KCNN2: variants seen among roughly 807,000 people sequenced by gnomAD.
KCNN2 encodes small conductance calcium-activated potassium channel protein 2.
In KCNN2, 24 loss-of-function variants were observed where a neutral mutation model predicts 55.5. The observed-to-expected ratio is 0.43, with a 90% confidence interval of 0.31 to 0.61. KCNN2 has a LOEUF of 0.61. Ranked by LOEUF, KCNN2 falls within the 20% of genes least tolerant of loss-of-function variation. The pLI, the probability that KCNN2 is intolerant of heterozygous loss-of-function variation, is 0.08. For synonymous variants in KCNN2, 431 were observed against 336.1 expected (o/e 1.28, Z -3.09); for missense variants, 754 against 853.6 (o/e 0.88, Z 1.45).
intron 1 of KCNN2, among the ~76,000 whole-genome samples, chr5:114,102,480 C>T (rs1751392692): frequency 6.6e-6 from 1 of 152,092 alleles, no homozygotes; most frequent in Non-Finnish European, 1.5e-5. Flanking sequence ...GTTGCCATTG[C>T]TTTTGGTGTT....
At chr5:114,470,755 T>A (rs1261610129) in intron 4 of KCNN2, among the ~76,000 whole-genome samples, 1 of 152,234 alleles carries the variant, frequency 6.6e-6, no homozygotes, top group Non-Finnish European at 1.5e-5. Flanking sequence ...ATAAGAATTT[T>A]GACCCTCTTG....
chr5:114,384,485 T>C (rs1177935690), intron 2 of KCNN2, among the ~76,000 whole-genome samples: 1 of 152,186 alleles, frequency 6.6e-6, no homozygotes, highest in Non-Finnish European at 1.5e-5. Flanking sequence ...AAAATCTCGA[T>C]GTTATCTTAG....
intron 2 of KCNN2, among the ~76,000 whole-genome samples, chr5:114,340,227 T>C (rs1451045616): frequency 1.3e-5 from 2 of 152,222 alleles, no homozygotes; most frequent in East Asian, 1.9e-4. Flanking sequence ...GAAATCCAAA[T>C]GGTCACTTGC....
intron 1 of KCNN2, among the ~76,000 whole-genome samples, chr5:114,185,773 A>C (rs1227644333): frequency 6.6e-6 from 1 of 152,236 alleles, no homozygotes; most frequent in Non-Finnish European, 1.5e-5. Context: ...GATTGCTCAG[A>C]ATTCAAGGAA....
chr5:114,486,488 C>A (rs1480301857), intron 5 of KCNN2, among the ~76,000 whole-genome samples: 1 of 152,154 alleles, frequency 6.6e-6, no homozygotes, highest in African/African-American at 2.4e-5. Context: ...AAATTTCCAA[C>A]AAAATCATAA....
At chr5:114,179,292 G>A (rs756881433) in intron 1 of KCNN2, among the ~76,000 whole-genome samples, 1 of 152,104 alleles carries the variant, frequency 6.6e-6, no homozygotes, top group Non-Finnish European at 1.5e-5. Flanking sequence ...AGTGATTGTT[G>A]TCACACCTCT....
chr5:114,360,520 C>A (rs1372557781), upstream of KCNN2, among the ~76,000 whole-genome samples: 1 of 152,158 alleles, frequency 6.6e-6, no homozygotes, highest in Non-Finnish European at 1.5e-5. Flanking sequence ...ATTCAACGGG[C>A]CAATTTCTTT....
intron 1 of KCNN2, among the ~76,000 whole-genome samples, chr5:114,113,926 A>T (rs1227559210): frequency 6.6e-6 from 1 of 152,054 alleles, no homozygotes; most frequent in Non-Finnish European, 1.5e-5. Flanking sequence ...TTCAGTTCAA[A>T]GTAATCCTTA....
chr5:114,281,839 A>C (rs560867415), intron 2 of KCNN2, among the ~76,000 whole-genome samples: 29 of 152,194 alleles, frequency 1.9e-4, no homozygotes, highest in South Asian at 1.2e-3. Flanking sequence ...TCTATGGTCA[A>C]GGTTGTAATT....
intron 1 of KCNN2, among the ~76,000 whole-genome samples, chr5:114,122,294 A>C (rs1751843727): frequency 6.6e-6 from 1 of 152,214 alleles, no homozygotes. Flanking sequence ...CCCAGAAGGC[A>C]GTATGAAAGA....
upstream of KCNN2, among the ~76,000 whole-genome samples, chr5:114,359,446 A>G (rs1174146335): frequency 6.6e-6 from 1 of 152,220 alleles, no homozygotes; most frequent in Non-Finnish European, 1.5e-5. Context: ...ATAGAGATAT[A>G]CATGGCAAAA....
chr5:114,353,295 T>C (rs1351585097), intron 2 of KCNN2, among the ~76,000 whole-genome samples: 1 of 151,832 alleles, frequency 6.6e-6, no homozygotes, highest in Admixed American at 6.6e-5. Context: ...TATTTACCTT[T>C]TCTGGTCCTC....
chr5:114,218,925 C>G (rs1170738141), intron 1 of KCNN2, among the ~76,000 whole-genome samples: 1 of 152,176 alleles, frequency 6.6e-6, no homozygotes, highest in Admixed American at 6.5e-5. Context: ...CTCAGCCTAC[C>G]ACTCTCAACT....
At chr5:114,079,151 A>C (rs1029941912) in intron 1 of KCNN2, among the ~76,000 whole-genome samples, 1 of 152,200 alleles carries the variant, frequency 6.6e-6, no homozygotes, top group Non-Finnish European at 1.5e-5. Context: ...GGGTAAAATC[A>C]AGGAAATTTT....
chr5:114,185,280 A>C (rs1753308842), intron 1 of KCNN2, among the ~76,000 whole-genome samples: 1 of 152,244 alleles, frequency 6.6e-6, no homozygotes, highest in Non-Finnish European at 1.5e-5. Context: ...TTGCAAAATC[A>C]ATTTAAGCAT....
At chr5:114,280,085 G>T (rs566933200) in intron 2 of KCNN2, among the ~76,000 whole-genome samples, 1 of 152,248 alleles carries the variant, frequency 6.6e-6, no homozygotes, top group Non-Finnish European at 1.5e-5. Context: ...TCTTTTGGCT[G>T]CATAAATGTC....
At chr5:114,065,846 G>GTTTTTTTTTTTTTTTTT (rs56127808) in intron 1 of KCNN2, among the ~76,000 whole-genome samples, 2 of 45,196 alleles carry the variant, frequency 4.4e-5, no homozygotes, top group African/African-American at 1.7e-4. Context: ...TCCTATGCAG[G>GTTTTTTTTTTTTTTTTT]TTTTTTTTTT....
chr5:114,263,088 T>C (rs1211322773), intron 2 of KCNN2, among the ~76,000 whole-genome samples: 2 of 152,200 alleles, frequency 1.3e-5, no homozygotes, highest in Admixed American at 6.5e-5. Context: ...ACTATCCTTC[T>C]TAACCCACCC....
chr5:114,073,626 A>G (rs914121906), intron 1 of KCNN2, among the ~76,000 whole-genome samples: 5 of 152,172 alleles, frequency 3.3e-5, no homozygotes, highest in African/African-American at 7.2e-5. Context: ...TCTAGAAAAT[A>G]AATACACATG....
Sources: gnomAD v4.1 joint callset for allele counts (sites outside exome capture counted in the v4.1 genomes callset) on GRCh38, gnomAD v4.1.1 for gene constraint, MANE v1.5 for transcripts, NCBI Gene and HGNC (gene_info 2026-07-23, HGNC 2026-07-21) for gene names.